Variants in ZNF207 observed in about 807,000 individuals in gnomAD.
The protein encoded by ZNF207 is zinc finger protein 207, also known as BUB3-interacting and GLEBS motif-containing protein ZNF207.
A neutral mutation model predicts 60.2 loss-of-function variants in ZNF207; 24 were observed. The ratio of observed to expected loss-of-function variants is 0.40; its 90% CI spans 0.29 to 0.56. ZNF207 has a LOEUF of 0.56. ZNF207 is among the 20% of genes least tolerant of loss of function. The pLI, the probability that ZNF207 is intolerant of heterozygous loss-of-function variation, is 0.49. For synonymous variants in ZNF207, 236 were observed against 194.7 expected (o/e 1.21, Z -1.77); for missense variants, 452 against 636.6 (o/e 0.71, Z 3.12).
rs1386847281 is a variant in ZNF207 at position 32,381,499 on chromosome 17, A to C, written c.*11740A>C. 1 of 152,246 alleles carries C rather than the reference A, an allele frequency of 6.6e-6. No individual in the cohort carries two copies. The highest frequency in any genetic ancestry group is 1.5e-5 in the Non-Finnish European group (1 of 68,040). The allele number at this position is 152,246 out of a possible 1,614,324, so 9.4% of individuals were successfully genotyped here. A position where few individuals can be genotyped will look rare whatever the true frequency, so the allele number is the denominator to read the frequency against. ...ATAGCTGGAAGCTTGTGCAAATGAA[A>C]AATGAAATGGAAGACTACATTTGTA... is the stretch of plus-strand genomic sequence containing the variant. On this transcript the variant is annotated 3_prime_UTR_variant, in exon 12 of 12. Coordinates refer to ENST00000394670, the MANE Select transcript of ZNF207 (RefSeq NM_001098507.2).
intron 9 of ZNF207, 51 bp from the exon 10 acceptor site, chr17:32,367,721 T>C (rs748597813): frequency 5.6e-6 from 9 of 1,602,422 alleles, no homozygotes; most frequent in Admixed American, 1.7e-5. Context: ...GTTGTAGATA[T>C]AGTTAATTTA....
intron 7 of ZNF207, among the ~76,000 whole-genome samples, chr17:32,364,594 G>T (rs543093343): frequency 6.6e-6 from 1 of 151,716 alleles, no homozygotes; most frequent in African/African-American, 2.4e-5. Flanking sequence ...TCCTGATCTC[G>T]TGATCCATCT....
Position 32,373,613 on chromosome 17 carries a change from T to G in ZNF207, c.*3854T>G. On this transcript the variant is annotated 3_prime_UTR_variant, in exon 12 of 12. Coordinates refer to ENST00000394670, the MANE Select transcript of ZNF207 (RefSeq NM_001098507.2). ...TGGCAGAGAAGGCTCTATATTAATATTCACGTTTGACTGTGGTGTTAATAA... is the reference window on the plus strand; with the variant it reads ...TGGCAGAGAAGGCTCTATATTAATAGTCACGTTTGACTGTGGTGTTAATAA... 1 of 402,166 alleles carries G rather than the reference T, an allele frequency of 2.5e-6. No individual in the cohort carries two copies. Among genetic ancestry groups the G allele is most frequent in the Non-Finnish European group, 4.4e-6 (1 of 228,212 alleles). The allele number at this position is 402,166 out of a possible 1,614,324, so 24.9% of individuals were successfully genotyped here. A position where few individuals can be genotyped will look rare whatever the true frequency, so the allele number is the denominator to read the frequency against.
chr17:32,368,379 A>G (rs538042940), intron 10 of ZNF207: 56 of 196,680 alleles, frequency 2.8e-4, no homozygotes, highest in African/African-American at 1.3e-3. Context: ...ATATAAATGA[A>G]TGAATTTTGA....
chr17:32,352,604 G>C (rs1178649867), intron 2 of ZNF207, among the ~76,000 whole-genome samples: 1 of 152,182 alleles, frequency 6.6e-6, no homozygotes, highest in Non-Finnish European at 1.5e-5. Context: ...ATTACTCACT[G>C]CCATTGAAGG....
In ZNF207 at chr17:32,377,677, A is replaced by G. The variant is rs947226096; in HGVS notation, c.*7918A>G. 1.3e-5 allele frequency: 2 copies of G among 151,956 alleles called. No homozygotes were observed. Among genetic ancestry groups the G allele is most frequent in the African/African-American group, 2.4e-5 (1 of 41,426 alleles). The allele number at this position is 151,956 out of a possible 1,614,324, so 9.4% of individuals were successfully genotyped here. ...CCTTTTTAGAGTAATCAAAATTTCT[A>G]TCACAGTTCACATACTGGAATACAT... is the stretch of plus-strand genomic sequence containing the variant. On this transcript the variant is annotated 3_prime_UTR_variant, in exon 12 of 12. Transcript: ENST00000394670.
chr17:32,369,724 AG>A lies in ZNF207; in HGVS notation c.1451del (p.Arg484AsnfsTer4). 1 of 1,580,796 alleles carries A rather than the reference AG, an allele frequency of 6.3e-7. No homozygotes were observed. The highest frequency in any genetic ancestry group is 8.6e-7 in the Non-Finnish European group (1 of 1,165,266). ...GGPPRPPMGM[R>X]PPVMSQGGRY Reference sequence around the variant, plus strand: ...GCCTCCTCGACCTCCGATGGGAATGAGACCTCCTGTAATGTCGCAAGGTGGC... The same window carrying A: ...GCCTCCTCGACCTCCGATGGGAATGAACCTCCTGTAATGTCGCAAGGTGGC... On this transcript the variant is annotated frameshift_variant, in exon 12 of 12. Transcript: ENST00000394670. LOFTEE classifies it high-confidence loss of function.
rs1567831305 is a variant in ZNF207 at position 32,374,222 on chromosome 17, T to TTG, written c.*4464_*4465insGT. 7.5e-6 allele frequency: 1 copy of TTG among 133,500 alleles called. No homozygotes were observed. The highest frequency in any genetic ancestry group is 1.6e-5 in the Non-Finnish European group (1 of 63,078). 8.3% of individuals were successfully genotyped at this position (133,500 alleles called of 1,614,324 possible). ...GCCAAAATCTGCATTCTTTTTTTTT[T>TTG]TTTTTTTTTTTTTTTGAGACTGTCT... is the stretch of plus-strand genomic sequence containing the variant. On this transcript the variant is annotated 3_prime_UTR_variant, in exon 12 of 12. Coordinates refer to ENST00000394670, the MANE Select transcript of ZNF207 (RefSeq NM_001098507.2).
chr17:32,381,772 C>T lies in ZNF207; in HGVS notation c.*12013C>T, dbSNP rs914351753. The T allele has an allele frequency of 2.6e-5, 4 of 152,136 alleles. No homozygotes were observed. The highest frequency in any genetic ancestry group is 9.7e-5 in the African/African-American group (4 of 41,418). The allele number at this position is 152,136 out of a possible 1,614,324, so 9.4% of individuals were successfully genotyped here. A position where few individuals can be genotyped will look rare whatever the true frequency, so the allele number is the denominator to read the frequency against. ...TCATCTAAAAGTGGAAAGATTTTTGCTTCTGCGTTATTAAGAGCCTCTTTG... is the reference window on the plus strand; with the variant it reads ...TCATCTAAAAGTGGAAAGATTTTTGTTTCTGCGTTATTAAGAGCCTCTTTG... On this transcript the variant is annotated 3_prime_UTR_variant, in exon 12 of 12. Transcript: ENST00000394670.
chr17:32,359,110 G>GTTTGTT (rs1567817354), intron 3 of ZNF207, among the ~76,000 whole-genome samples: 4 of 148,260 alleles, frequency 2.7e-5, no homozygotes, highest in Non-Finnish European at 4.5e-5. Context: ...GCTGATTTTT[G>GTTTGTT]TTTGTTTTTG....
chr17:32,352,458 A>G (rs1030502695), intron 2 of ZNF207, among the ~76,000 whole-genome samples: 1 of 152,234 alleles, frequency 6.6e-6, no homozygotes, highest in East Asian at 1.9e-4. Flanking sequence ...TTAGTTTGAT[A>G]GTACCTTACT....
chr17:32,371,143 G>A lies in ZNF207; in HGVS notation c.*1384G>A, dbSNP rs900489260. On this transcript the variant is annotated 3_prime_UTR_variant, in exon 12 of 12. Transcript: ENST00000394670. ...TTGGGATCTGTTTTTCTGATCTTTTGCAGGGTAGTTTTATGATTTTTTAGG... is the reference window on the plus strand; with the variant it reads ...TTGGGATCTGTTTTTCTGATCTTTTACAGGGTAGTTTTATGATTTTTTAGG... 1.3e-5 allele frequency: 2 copies of A among 152,062 alleles called. No individual in the cohort carries two copies. The highest frequency in any genetic ancestry group is 2.9e-5 in the Non-Finnish European group (2 of 68,012). 9.4% of individuals were successfully genotyped at this position (152,062 alleles called of 1,614,324 possible).
At position 32,368,724 on chromosome 17, in the gene ZNF207, C is replaced by A. The variant is rs183377638; in HGVS notation, c.1165-571C>A. On this transcript the variant is annotated intron_variant, in intron 10 of 11. Transcript: ENST00000394670. ...AAAAAGAAAAAAATGGAATGTTGGC[C>A]GGGCGCGCAGTGGCTCACACCGGTA... is the stretch of plus-strand genomic sequence containing the variant. 3.2e-3 allele frequency: 478 copies of A among 151,382 alleles called. 4 individuals are homozygous for A. The highest frequency in any genetic ancestry group is 0.011 in the African/African-American group (459 of 40,704). The allele number at this position is 151,382 out of a possible 1,614,324, so 9.4% of individuals were successfully genotyped here.
chr17:32,366,043 C>G (rs1470864883), intron 8 of ZNF207, among the ~76,000 whole-genome samples: 1 of 152,140 alleles, frequency 6.6e-6, no homozygotes, highest in Non-Finnish European at 1.5e-5. Flanking sequence ...TGCTTCTGTT[C>G]TATATGGTAT....
rs1324059508 is a variant in ZNF207 at position 32,370,343 on chromosome 17, T to C, written c.*584T>C. On this transcript the variant is annotated 3_prime_UTR_variant, in exon 12 of 12. Coordinates refer to ENST00000394670, the MANE Select transcript of ZNF207 (RefSeq NM_001098507.2). ...CATTGTAATAAAATGAGAGAAAAATTTATGCCTTTTTATTCATAACCCAGC... is the reference window on the plus strand; with the variant it reads ...CATTGTAATAAAATGAGAGAAAAATCTATGCCTTTTTATTCATAACCCAGC... 6.6e-6 allele frequency: 1 copy of C among 152,670 alleles called. No individual in the cohort carries two copies. The highest frequency in any genetic ancestry group is 1.5e-5 in the Non-Finnish European group (1 of 68,046). 9.5% of individuals were successfully genotyped at this position (152,670 alleles called of 1,614,324 possible).
At chr17:32,355,858 G>A (rs533373427) in intron 2 of ZNF207, among the ~76,000 whole-genome samples, 16 of 152,280 alleles carry the variant, frequency 1.1e-4, no homozygotes, top group African/African-American at 3.6e-4. Context: ...GGGTTAATAA[G>A]GTCATTGGTG....
chr17:32,355,090 C>G (rs1301078790), intron 2 of ZNF207, among the ~76,000 whole-genome samples: 2 of 152,124 alleles, frequency 1.3e-5, no homozygotes, highest in African/African-American at 2.4e-5. Flanking sequence ...AGGGTGGTCT[C>G]AAGATGTTGA....
chr17:32,356,097 AATCAT>A lies in ZNF207; in HGVS notation c.169-2404_169-2400del, dbSNP rs1249802126. Among the ~76,000 whole-genome samples, 5 of 152,318 alleles carry A rather than the reference AATCAT, an allele frequency of 3.3e-5. No homozygotes were observed. The East Asian group carries it at 9.6e-4, about 29-fold the overall frequency. ...ACCTGTGAGATAGACCTGGCAGTTA[AATCAT>A]ACCAATTTTATAGATGATAAACCCT... On this transcript the variant is annotated intron_variant, in intron 2 of 11. Coordinates refer to ENST00000394670, the MANE Select transcript of ZNF207 (RefSeq NM_001098507.2).
At chr17:32,367,284 T>TATATATATATAA (rs1346929445) in intron 9 of ZNF207, among the ~76,000 whole-genome samples, 10 of 131,076 alleles carry the variant, frequency 7.6e-5, no homozygotes, top group African/African-American at 2.7e-4. Flanking sequence ...TATATATATA[T>TATATATATATAA]AAAGAATACT....
Sources: gnomAD v4.1 joint callset for allele counts (sites outside exome capture counted in the v4.1 genomes callset) on GRCh38, gnomAD v4.1.1 for gene constraint, MANE v1.5 for transcripts, NCBI Gene and HGNC (gene_info 2026-07-23, HGNC 2026-07-21) for gene names.